DOCK8: variants seen among roughly 807,000 people sequenced by gnomAD.
The protein encoded by DOCK8 is dedicator of cytokinesis protein 8.
A neutral mutation model predicts 245.6 loss-of-function variants in DOCK8; 141 were observed. The observed-to-expected ratio is 0.57, with a 90% CI of 0.50 to 0.66. The LOEUF is 0.66. Among genes scored for constraint, DOCK8 ranks in the 30% least tolerant of loss-of-function variants. The probability of loss-of-function intolerance (pLI) is 0.00; values close to 1 mark genes in which losing one functional copy is unlikely to be tolerated. For missense variants in DOCK8, 2,965 were observed against 2,603.4 expected (o/e 1.14, Z -3.02); for synonymous variants, 1,168 against 970.2 (o/e 1.20, Z -3.79).
At chr9:426,732 C>T (rs1485553547) in intron 33 of DOCK8, among the ~76,000 whole-genome samples, 153 bp from the exon 34 acceptor site, 6 of 152,142 alleles carry the variant, frequency 3.9e-5, no homozygotes, top group African/African-American at 1.4e-4. Flanking sequence ...ACAGAAGGCA[C>T]CTGCACTGTA....
chr9:446,780 A>G (rs1195980781), intron 44 of DOCK8, among the ~76,000 whole-genome samples, 174 bp downstream of exon 44: 2 of 152,210 alleles, frequency 1.3e-5, no homozygotes, highest in Non-Finnish European at 2.9e-5. Context: ...CCATTTAGGC[A>G]GCTACATATT....
intron 14 of DOCK8, among the ~76,000 whole-genome samples, chr9:357,822 A>G (rs934358612): frequency 2.6e-5 from 4 of 152,174 alleles, no homozygotes; most frequent in African/African-American, 7.2e-5. Context: ...GCCCTGGAAC[A>G]TGTTTTACCT....
chr9:368,116 A>G lies in DOCK8; in HGVS notation c.1778A>G (p.Asp593Gly). The G allele has an allele frequency of 6.2e-7, 1 of 1,614,116 alleles. No individual in the cohort carries two copies. Among genetic ancestry groups the G allele is most frequent in the Non-Finnish European group, 8.5e-7 (1 of 1,179,956 alleles). ...TIKIQFMCGE[D>G]ASNAMPVIFG... Reference sequence around the variant, plus strand: ...AAGATCCAGTTTATGTGTGGAGAAGATGCTAGCAATGCGATGCCGGTAAGG... The same window carrying G: ...AAGATCCAGTTTATGTGTGGAGAAGGTGCTAGCAATGCGATGCCGGTAAGG... Residue 593 changes from aspartate to glycine, a missense_variant, in exon 15 of 48, where the codon GAT becomes GGT. Transcript: ENST00000432829.
At chr9:375,372 A>G (rs918812880) in intron 18 of DOCK8, among the ~76,000 whole-genome samples, 4 of 152,244 alleles carry the variant, frequency 2.6e-5, no homozygotes, top group African/African-American at 9.6e-5. Context: ...TAAACGTATA[A>G]AAGAGTCACT....
At position 403,978 on chromosome 9, in the gene DOCK8, GTA is replaced by G. The variant is rs1252297249; in HGVS notation, c.3235-928_3235-927del. On this transcript the variant is annotated intron_variant, in intron 26 of 47. Coordinates refer to ENST00000432829, the MANE Select transcript of DOCK8 (RefSeq NM_203447.4). ...TATATATGTATATATATATATATGT[GTA>G]TATATATATATGTGTATATATATAT... Among the ~76,000 whole-genome samples the G allele has an allele frequency of 1.6e-3, 104 of 65,206 alleles. 2 individuals are homozygous for G. The highest frequency in any genetic ancestry group is 4.7e-3 in the South Asian group (10 of 2,126). The allele number at this position is 65,206 out of a possible 152,430, so 42.8% of individuals were successfully genotyped here. A position where few individuals can be genotyped will look rare whatever the true frequency, so the allele number is the denominator to read the frequency against.
chr9:361,862 C>T (rs888151997), intron 14 of DOCK8, among the ~76,000 whole-genome samples: 8 of 152,160 alleles, frequency 5.3e-5, no homozygotes, highest in African/African-American at 1.9e-4. Context: ...TGCTAACCTT[C>T]ATGCATATTC....
At chr9:283,666 T>C (rs1205205572) in intron 2 of DOCK8, among the ~76,000 whole-genome samples, 1 of 152,192 alleles carries the variant, frequency 6.6e-6, no homozygotes, top group Non-Finnish European at 1.5e-5. Context: ...GTTTCTGAGT[T>C]TTTTCACTTA....
At chr9:271,484 C>A in intron 1 of DOCK8, 143 bp from the exon 2 acceptor site, 1 of 657,132 alleles carries the variant, frequency 1.5e-6, no homozygotes, top group Non-Finnish European at 2.6e-6. Flanking sequence ...CACTAACAGG[C>A]CACTGAAAAG....
rs752123567 is a variant in DOCK8, at chr9:340,190, A to G, written c.1548A>G (p.Pro516=). ...GLLRLEISTA[P]EIINCCLTPE... is the part of the protein sequence containing the mutation. ...TAAGACTGGAGATTTCTACAGCTCC[A>G]GAGATCATCAATTGCTGTCTGACTC... The change falls in exon 14 of 48, where the codon CCA becomes CCG. Residue 516 remains proline, a synonymous_variant. Coordinates refer to ENST00000432829, the MANE Select transcript of DOCK8 (RefSeq NM_203447.4). The G allele has an allele frequency of 5.0e-6, 8 of 1,614,162 alleles. No individual in the cohort carries two copies. The South Asian group carries it at 5.5e-5, about 11-fold the overall frequency.
At chr9:234,353 G>T (rs1346091032) in intron 1 of DOCK8, among the ~76,000 whole-genome samples, 1 of 152,110 alleles carries the variant, frequency 6.6e-6, no homozygotes, top group Non-Finnish European at 1.5e-5. Flanking sequence ...TTCAACTTTG[G>T]TGAATCTGAC....
intron 23 of DOCK8, among the ~76,000 whole-genome samples, chr9:390,157 G>A (rs369443498): frequency 1.3e-5 from 2 of 152,150 alleles, no homozygotes; most frequent in Admixed American, 6.5e-5. Flanking sequence ...AAGTAAGACA[G>A]TACCAGTTTT....
chr9:285,168 A>T (rs2048764085), intron 2 of DOCK8, among the ~76,000 whole-genome samples: 1 of 152,038 alleles, frequency 6.6e-6, no homozygotes, highest in South Asian at 2.1e-4. Flanking sequence ...TCCCTAACTT[A>T]CGCCACTCAT....
rs767465398 is a variant in DOCK8, at chr9:399,126, G to A, written c.3121-20G>A. ...CCAGAGTGTCCCACAAAATGATTTG[G>A]GTGTTTGTTTGTTTTTAAGGAAAAT... is the stretch of plus-strand genomic sequence containing the variant. On this transcript the variant is annotated intron_variant, in intron 25 of 47. Coordinates refer to ENST00000432829, the MANE Select transcript of DOCK8 (RefSeq NM_203447.4). 1.2e-6 allele frequency: 2 copies of A among 1,607,118 alleles called. No homozygotes were observed. The highest frequency in any genetic ancestry group is 1.7e-6 in the Non-Finnish European group (2 of 1,174,064).
intron 25 of DOCK8, 119 bp from the exon 26 acceptor site, chr9:399,027 C>A: frequency 3.3e-6 from 3 of 907,370 alleles, no homozygotes; most frequent in Admixed American, 2.0e-5. Context: ...CCCAGTGCCA[C>A]CCAGAAGGAC....
intron 14 of DOCK8, among the ~76,000 whole-genome samples, chr9:361,113 G>A (rs183890657): frequency 7.7e-4 from 118 of 152,294 alleles, no homozygotes; most frequent in African/African-American, 2.7e-3. Context: ...GCTGCAGTAA[G>A]CTGTGATCAC....
chr9:447,046 T>C (rs1587081869), intron 44 of DOCK8, among the ~76,000 whole-genome samples: 1 of 152,078 alleles, frequency 6.6e-6, no homozygotes, highest in East Asian at 1.9e-4. Flanking sequence ...GGTGGTGTGC[T>C]GTGGGAAAGG....
chr9:244,706 C>T (rs1230292663), intron 1 of DOCK8, among the ~76,000 whole-genome samples: 1 of 151,922 alleles, frequency 6.6e-6, no homozygotes, highest in Non-Finnish European at 1.5e-5. Context: ...CTGCATGGTT[C>T]CTCCCTAGAG....
chr9:387,219 G>A (rs139647960), intron 23 of DOCK8, among the ~76,000 whole-genome samples: 82 of 152,244 alleles, frequency 5.4e-4, no homozygotes, highest in African/African-American at 2.0e-3. Flanking sequence ...CGAGGTGGGT[G>A]GATCACCTGA....
At chr9:400,931 A>T (rs1375299732) in intron 26 of DOCK8, among the ~76,000 whole-genome samples, 10 of 44,154 alleles carry the variant, frequency 2.3e-4, no homozygotes, top group East Asian at 9.0e-4. Context: ...CATCACCACA[A>T]CATCCACCAC....
Sources: allele counts gnomAD v4.1 joint callset (sites outside exome capture counted in the v4.1 genomes callset), GRCh38; gene constraint gnomAD v4.1.1; transcripts MANE v1.5; gene names NCBI Gene and HGNC (gene_info 2026-07-23, HGNC 2026-07-21).